MAPK10: variants seen among roughly 807,000 people sequenced by gnomAD.
MAPK10 encodes JNK3 alpha protein kinase.
Under a neutral mutation model 59.3 loss-of-function variants are expected in MAPK10, and 25 were observed. The observed-to-expected ratio is 0.42, with a 90% CI of 0.31 to 0.59. MAPK10 has a LOEUF of 0.59. MAPK10 is among the 20% of genes least tolerant of loss of function. MAPK10 has a pLI of 0.15. For synonymous variants in MAPK10, 190 were observed against 200.5 expected (o/e 0.95, Z 0.44); for missense variants, 351 against 568.9 (o/e 0.62, Z 3.90).
chr4:86,101,009 T>A, intron 8 of MAPK10, 43 bp downstream of exon 8: 1 of 1,583,634 alleles, frequency 6.3e-7, no homozygotes, highest in Non-Finnish European at 8.7e-7. Flanking sequence ...CGTGCACCCG[T>A]TTCATTCATG....
chr4:86,047,863 A>G (rs2042800035), intron 11 of MAPK10, among the ~76,000 whole-genome samples: 1 of 152,154 alleles, frequency 6.6e-6, no homozygotes. Context: ...TACATTTTAA[A>G]AGGAAAATTC....
chr4:86,261,721 G>C (rs1213194181), intron 2 of MAPK10, among the ~76,000 whole-genome samples: 3 of 152,226 alleles, frequency 2.0e-5, no homozygotes, highest in Non-Finnish European at 4.4e-5. Context: ...GCCTTTTTCA[G>C]AGACCACAGA....
chr4:86,087,631 A>G (rs1045219811), intron 9 of MAPK10, among the ~76,000 whole-genome samples: 2 of 152,186 alleles, frequency 1.3e-5, no homozygotes, highest in Non-Finnish European at 2.9e-5. Context: ...GAAGATTAGA[A>G]AAAAGTTTTT....
intron 1 of MAPK10, among the ~76,000 whole-genome samples, chr4:86,379,199 C>A (rs1740291889): frequency 6.6e-6 from 1 of 152,172 alleles, no homozygotes; most frequent in African/African-American, 2.4e-5. Context: ...TAAGTCCCGG[C>A]CTAGCAGGAT....
chr4:86,488,932 A>G (rs1754244391), intron 1 of MAPK10, among the ~76,000 whole-genome samples: 1 of 152,226 alleles, frequency 6.6e-6, no homozygotes, highest in African/African-American at 2.4e-5. Context: ...CAAATGTGAC[A>G]TTAGCAAAGA....
chr4:86,295,121 C>T (rs192290914), intron 2 of MAPK10, among the ~76,000 whole-genome samples: 150 of 152,260 alleles, frequency 9.9e-4, no homozygotes, highest in African/African-American at 3.2e-3. Context: ...CCATCCAAAG[C>T]GGTTTAATTA....
chr4:86,143,464 A>G (rs953896080), intron 4 of MAPK10, among the ~76,000 whole-genome samples: 4 of 152,246 alleles, frequency 2.6e-5, no homozygotes, highest in African/African-American at 9.6e-5. Flanking sequence ...TCTGTGAAAC[A>G]GAATTGTCCT....
intron 1 of MAPK10, among the ~76,000 whole-genome samples, chr4:86,374,547 T>C (rs1038086338): frequency 2.6e-5 from 4 of 152,116 alleles, no homozygotes; most frequent in Non-Finnish European, 5.9e-5. Context: ...GCTATGACCT[T>C]GTAAGCTGAA....
At chr4:86,187,274 G>T (rs1478313395) in intron 3 of MAPK10, among the ~76,000 whole-genome samples, 1 of 152,034 alleles carries the variant, frequency 6.6e-6, no homozygotes, top group African/African-American at 2.4e-5. Flanking sequence ...ATATAAAATA[G>T]AACAATTAAG....
Position 86,033,838 on chromosome 4 carries a change from A to G in MAPK10, c.1111-2407T>C, listed in dbSNP as rs1480456482. On this transcript the variant is annotated intron_variant, in intron 11 of 13. Coordinates refer to ENST00000641462, the MANE Select transcript of MAPK10 (RefSeq NM_138982.4). ...GCACATTCACATACAGATGTCTTCT[A>G]TGTGACAATATAAAAGAATAATTGA... Among the ~76,000 whole-genome samples, 10 of 152,346 alleles carry G rather than the reference A, an allele frequency of 6.6e-5. No homozygotes were observed. In the South Asian group the frequency reaches 1.7e-3, roughly 25 times the overall value.
intron 3 of MAPK10, among the ~76,000 whole-genome samples, chr4:86,185,634 T>C (rs1343769481): frequency 6.6e-6 from 1 of 152,144 alleles, no homozygotes; most frequent in Non-Finnish European, 1.5e-5. Context: ...GTAGAAGCTC[T>C]TACAATAATT....
chr4:86,037,648 T>C (rs1029200350), intron 11 of MAPK10, among the ~76,000 whole-genome samples: 2 of 152,172 alleles, frequency 1.3e-5, no homozygotes, highest in African/African-American at 4.8e-5. Flanking sequence ...CAAAGATACA[T>C]GGGAAGTATC....
rs546461878 is a variant in MAPK10 at position 86,150,857 on chromosome 4, G to A, written c.236+8441C>T. On this transcript the variant is annotated intron_variant, in intron 4 of 13. Transcript: ENST00000641462. ...AGCCTGGGCGACAGAGTGAGACTCC[G>A]TCTCAAAAAAAAGAATTGGAACTGC... Among the ~76,000 whole-genome samples, 16 of 152,096 alleles carry A rather than the reference G, an allele frequency of 1.1e-4. No individual in the cohort carries two copies. In the South Asian group the frequency reaches 1.9e-3, roughly 18 times the overall value.
intron 2 of MAPK10, among the ~76,000 whole-genome samples, chr4:86,333,914 T>C (rs1436394224): frequency 6.6e-6 from 1 of 152,160 alleles, no homozygotes; most frequent in East Asian, 1.9e-4. Context: ...ATTATTATTA[T>C]CATTATGCTC....
At chr4:86,299,211 C>T (rs183079176) in intron 2 of MAPK10, among the ~76,000 whole-genome samples, 152 of 152,102 alleles carry the variant, frequency 1.0e-3, no homozygotes, top group African/African-American at 3.4e-3. Flanking sequence ...AGCAAACTTT[C>T]GAAATAAACT....
At chr4:86,390,003 G>A (rs1483983072) in intron 1 of MAPK10, among the ~76,000 whole-genome samples, 2 of 152,096 alleles carry the variant, frequency 1.3e-5, no homozygotes, top group Admixed American at 6.5e-5. Context: ...AGAGAAGAAG[G>A]ATTGACCATC....
intron 1 of MAPK10, among the ~76,000 whole-genome samples, chr4:86,558,368 T>C (rs977815567): frequency 1.3e-5 from 2 of 152,190 alleles, no homozygotes; most frequent in African/African-American, 2.4e-5. Flanking sequence ...CTTTCATCTT[T>C]GGCCTTCGAA....
chr4:86,294,827 T>G (rs548787611), intron 2 of MAPK10, among the ~76,000 whole-genome samples: 1 of 152,094 alleles, frequency 6.6e-6, no homozygotes, highest in Non-Finnish European at 1.5e-5. Flanking sequence ...GAAACCTGGA[T>G]AGAAACCTCT....
chr4:86,266,025 T>C (rs2094219657), intron 2 of MAPK10, among the ~76,000 whole-genome samples: 1 of 152,086 alleles, frequency 6.6e-6, no homozygotes, highest in African/African-American at 2.4e-5. Context: ...GATATGGGTA[T>C]GGGAAAGGTG....
Sources: allele counts gnomAD v4.1 joint callset (sites outside exome capture counted in the v4.1 genomes callset), GRCh38; gene constraint gnomAD v4.1.1; transcripts MANE v1.5; gene names NCBI Gene and HGNC (gene_info 2026-07-23, HGNC 2026-07-21).